The following MTX2 variants were observed in gnomAD, a reference collection of about 807,000 sequenced individuals.
MTX2 encodes the protein metaxin-2.
Under a neutral mutation model 42.3 loss-of-function variants are expected in MTX2, and 35 were observed. That is an observed-to-expected ratio of 0.83 (90% CI 0.63 to 1.10). The LOEUF is 1.10. MTX2 is among the 50% of genes least tolerant of loss of function. The probability of loss-of-function intolerance (pLI) is 0.00; values close to 1 mark genes in which losing one functional copy is unlikely to be tolerated. For synonymous variants in MTX2, 119 were observed against 100.9 expected, an observed-to-expected ratio of 1.18 and a Z score of -1.08; for missense variants, 307 against 304.1, an observed-to-expected ratio of 1.01 and a Z score of -0.07.
intron 9 of MTX2, among the ~76,000 whole-genome samples, chr2:176,331,875 A>G (rs1558946189): frequency 1.3e-5 from 2 of 151,284 alleles, no homozygotes; most frequent in Non-Finnish European, 1.5e-5. Flanking sequence ...GCATTATTCT[A>G]TTTTAGTTTT....
At chr2:176,297,717 A>G (rs1320018684) in intron 2 of MTX2, 132 bp from the exon 3 acceptor site, 3 of 409,874 alleles carry the variant, frequency 7.3e-6, no homozygotes, top group Non-Finnish European at 1.3e-5. Flanking sequence ...AATTATAATT[A>G]TATATTAACA....
intron 1 of MTX2, among the ~76,000 whole-genome samples, chr2:176,276,822 G>A (rs1692958459): frequency 6.6e-6 from 1 of 151,924 alleles, no homozygotes; most frequent in South Asian, 2.1e-4. Flanking sequence ...TACTCCACCG[G>A]TGCCTTGCCA....
At chr2:176,292,726 A>G (rs1693355959) in intron 1 of MTX2, among the ~76,000 whole-genome samples, 1 of 152,212 alleles carries the variant, frequency 6.6e-6, no homozygotes, top group African/African-American at 2.4e-5. Context: ...ATAACAAACT[A>G]GAGATTTTTT....
chr2:176,334,469 A>G (rs981886041), intron 9 of MTX2, among the ~76,000 whole-genome samples: 4 of 151,824 alleles, frequency 2.6e-5, no homozygotes, highest in Admixed American at 6.6e-5. Flanking sequence ...TATCCACTCT[A>G]CATCCTTGGT....
At chr2:176,300,539 G>A (rs1357921796) in intron 3 of MTX2, among the ~76,000 whole-genome samples, 1 of 151,978 alleles carries the variant, frequency 6.6e-6, no homozygotes, top group African/African-American at 2.4e-5. Flanking sequence ...CACTAGTCTC[G>A]TGTAGCTAGT....
At chr2:176,334,243 T>G (rs569303230) in intron 9 of MTX2, among the ~76,000 whole-genome samples, 385 of 151,942 alleles carry the variant, frequency 2.5e-3, no homozygotes, top group African/African-American at 9.0e-3. Flanking sequence ...TAATAAAGGG[T>G]GCCCATCTAT....
rs1692745590 is a variant in MTX2 at position 176,269,634 on chromosome 2, CTCT to C, written c.6_8del (p.Leu3del). 6.3e-7 allele frequency: 1 copy of C among 1,596,598 alleles called. No individual in the cohort carries two copies. The highest frequency in any genetic ancestry group is 1.3e-5 in the African/African-American group (1 of 74,668). ...GCGCCGGGCCTCCCAGCCGACATGTCTCTAGTGGCGGAAGCCTTCGTCTCCCAG... is the reference window on the plus strand; with the variant it reads ...GCGCCGGGCCTCCCAGCCGACATGTCAGTGGCGGAAGCCTTCGTCTCCCAG... On this transcript the variant is annotated inframe_deletion, in exon 1 of 10. Coordinates refer to ENST00000249442, the MANE Select transcript of MTX2 (RefSeq NM_006554.5).
At chr2:176,308,610 T>A (rs1034918532) in intron 3 of MTX2, among the ~76,000 whole-genome samples, 7 of 152,174 alleles carry the variant, frequency 4.6e-5, no homozygotes, top group Non-Finnish European at 1.0e-4. Context: ...TCTTCCTGGT[T>A]TAGTCTTGGG....
chr2:176,310,463 AAGTTCT>A (rs1684276123), intron 3 of MTX2, among the ~76,000 whole-genome samples: 1 of 152,122 alleles, frequency 6.6e-6, no homozygotes, highest in Non-Finnish European at 1.5e-5. Context: ...TAGGCTGGGA[AAGTTCT>A]AGTGGATAAT....
At chr2:176,325,005 C>G (rs1005112176) in intron 4 of MTX2, among the ~76,000 whole-genome samples, 1 of 151,698 alleles carries the variant, frequency 6.6e-6, no homozygotes, top group African/African-American at 2.4e-5. Context: ...GACTTAAACT[C>G]TTATTTCCTA....
At chr2:176,295,282 CATT>C (rs1683834283) in intron 1 of MTX2, among the ~76,000 whole-genome samples, 1 of 152,106 alleles carries the variant, frequency 6.6e-6, no homozygotes, top group South Asian at 2.1e-4. Flanking sequence ...TAACGAATCT[CATT>C]GTATTGTTTT....
At chr2:176,324,319 A>T (rs1684659318) in intron 4 of MTX2, among the ~76,000 whole-genome samples, 1 of 151,490 alleles carries the variant, frequency 6.6e-6, no homozygotes, top group Non-Finnish European at 1.5e-5. Flanking sequence ...GGTGGTAGAA[A>T]TTGTTAAAAG....
chr2:176,277,398 TA>T (rs1285024401), intron 1 of MTX2, among the ~76,000 whole-genome samples: 3 of 152,224 alleles, frequency 2.0e-5, no homozygotes, highest in African/African-American at 7.2e-5. Flanking sequence ...TACAATGCAT[TA>T]AATTCATTTT....
chr2:176,328,751 C>A, intron 6 of MTX2, 123 bp from the exon 7 acceptor site: 2 of 837,560 alleles, frequency 2.4e-6, no homozygotes, highest in South Asian at 1.9e-5. Context: ...CTAAGAAAAA[C>A]AAACCGCTAC....
At chr2:176,303,174 A>G (rs1438534137) in intron 3 of MTX2, among the ~76,000 whole-genome samples, 1 of 152,150 alleles carries the variant, frequency 6.6e-6, no homozygotes, top group Admixed American at 6.5e-5. Context: ...TAGAAGTAGG[A>G]TGACATGAGT....
intron 1 of MTX2, among the ~76,000 whole-genome samples, chr2:176,272,526 A>AGG (rs1692843498): frequency 6.6e-6 from 1 of 152,122 alleles, no homozygotes; most frequent in African/African-American, 2.4e-5. Context: ...GTACCTCCTA[A>AGG]ATGTACAGTT....
intron 8 of MTX2, 115 bp downstream of exon 8, chr2:176,329,541 C>G (rs1318142987): frequency 9.3e-7 from 1 of 1,080,372 alleles, no homozygotes; most frequent in Non-Finnish European, 1.3e-6. Flanking sequence ...AAACCATTTC[C>G]TGTGATTTTC....
intron 3 of MTX2, among the ~76,000 whole-genome samples, chr2:176,305,378 T>C (rs1417831100): frequency 6.6e-6 from 1 of 152,138 alleles, no homozygotes; most frequent in African/African-American, 2.4e-5. Context: ...TTTTTCGTTT[T>C]CTCCCCAACT....
chr2:176,314,862 C>T (rs1481221430), intron 3 of MTX2, among the ~76,000 whole-genome samples: 2 of 152,056 alleles, frequency 1.3e-5, no homozygotes, highest in South Asian at 2.1e-4. Flanking sequence ...AAACTTGGTA[C>T]GCTATAGGTG....
Sources: gnomAD v4.1 joint callset for allele counts (sites outside exome capture counted in the v4.1 genomes callset) on GRCh38, gnomAD v4.1.1 for gene constraint, MANE v1.5 for transcripts, NCBI Gene and HGNC (gene_info 2026-07-23, HGNC 2026-07-21) for gene names.